The following ZFPM2 variants were observed in gnomAD, a reference collection of about 807,000 sequenced individuals.
ZFPM2 encodes the protein zinc finger protein, FOG family member 2, also known as zinc finger protein ZFPM2.
ZFPM2 carries 20 observed loss-of-function variants against 98.6 expected under a neutral mutation model. That is an observed-to-expected ratio of 0.20 (90% CI 0.14 to 0.29). The LOEUF (loss-of-function observed/expected upper bound fraction) is 0.29, where lower values mean the gene tolerates loss of function less well. Ranked by LOEUF, ZFPM2 falls within the 10% of genes least tolerant of loss-of-function variation. The pLI is 1.00. For missense variants in ZFPM2, 1,310 were observed against 1,388.6 expected, an observed-to-expected ratio of 0.94 and a Z score of 0.90; for synonymous variants, 518 against 502.7, an observed-to-expected ratio of 1.03 and a Z score of -0.41.
chr8:105,795,536 G>T (rs1281332779), intron 6 of ZFPM2, among the ~76,000 whole-genome samples: 1 of 150,618 alleles, frequency 6.6e-6, no homozygotes, highest in Non-Finnish European at 1.5e-5. Flanking sequence ...ATCAAAGTTT[G>T]ATTAGATATA....
chr8:105,526,870 C>T (rs183305748), intron 3 of ZFPM2, among the ~76,000 whole-genome samples: 8 of 152,144 alleles, frequency 5.3e-5, no homozygotes, highest in African/African-American at 1.4e-4. Context: ...CCCTTTTTCT[C>T]TCTTCTTGTA....
intron 3 of ZFPM2, among the ~76,000 whole-genome samples, chr8:105,545,873 T>G (rs1378301464): frequency 6.6e-6 from 1 of 152,334 alleles, no homozygotes; most frequent in African/African-American, 2.4e-5. Context: ...GTGCATTCCT[T>G]ATTTTCTCCT....
At chr8:105,445,546 A>G (rs1302593297) in intron 3 of ZFPM2, among the ~76,000 whole-genome samples, 1 of 151,808 alleles carries the variant, frequency 6.6e-6, no homozygotes, top group South Asian at 2.1e-4. Flanking sequence ...CGGAACATCT[A>G]GGTTTTGTCA....
At chr8:105,461,188 A>T (rs572520449) in intron 3 of ZFPM2, among the ~76,000 whole-genome samples, 1 of 152,150 alleles carries the variant, frequency 6.6e-6, no homozygotes, top group South Asian at 2.1e-4. Context: ...ATATTTTAGC[A>T]CATTTTAAAA....
chr8:105,461,950 T>C (rs895730926), intron 3 of ZFPM2, among the ~76,000 whole-genome samples: 1 of 152,166 alleles, frequency 6.6e-6, no homozygotes, highest in African/African-American at 2.4e-5. Flanking sequence ...TTTCATACAA[T>C]GAGCTCTTCT....
At chr8:105,642,320 T>A (rs1274795552) in intron 5 of ZFPM2, among the ~76,000 whole-genome samples, 1 of 152,182 alleles carries the variant, frequency 6.6e-6, no homozygotes, top group Non-Finnish European at 1.5e-5. Flanking sequence ...AGAAACAGTG[T>A]GAAATTATAA....
Position 105,755,758 on chromosome 8 carries a change from C to A in ZFPM2, c.533-32960C>A, listed in dbSNP as rs1586241874. On this transcript the variant is annotated intron_variant, in intron 5 of 7. Transcript: ENST00000407775. Reference sequence around the variant, plus strand: ...AAACAAGGGTTTCTAATTTTATAACCACCATGATTCAGTTAAAATTAATAA... The same window carrying A: ...AAACAAGGGTTTCTAATTTTATAACAACCATGATTCAGTTAAAATTAATAA... Among the ~76,000 whole-genome samples the A allele has an allele frequency of 2.6e-5, 4 of 151,924 alleles. No homozygotes were observed. The South Asian group carries it at 8.3e-4, about 32-fold the overall frequency.
chr8:105,437,912 G>A (rs370982011), intron 2 of ZFPM2, among the ~76,000 whole-genome samples: 1 of 151,990 alleles, frequency 6.6e-6, no homozygotes, highest in South Asian at 2.1e-4. Context: ...GCATGGTGGT[G>A]CGCATCTGTA....
intron 3 of ZFPM2, among the ~76,000 whole-genome samples, chr8:105,447,682 G>C (rs1563663728): frequency 6.6e-6 from 1 of 152,080 alleles, no homozygotes; most frequent in Non-Finnish European, 1.5e-5. Context: ...AAATAGAACA[G>C]AGTCAAAGGA....
rs574155181 is a variant in ZFPM2 at position 105,690,656 on chromosome 8, T to C, written c.532+56299T>C. 7.4e-4 allele frequency among the ~76,000 whole-genome samples: 113 copies of C among 152,240 alleles called. 1 individual carries two copies. The highest frequency in any genetic ancestry group is 1.5e-3 in the Non-Finnish European group (103 of 68,018). On this transcript the variant is annotated intron_variant, in intron 5 of 7. Transcript: ENST00000407775. ...GAGTAGCCCTGACTCAGAAGCCTCA[T>C]GACCCACAGAAACTAATATCTCTCA... is the stretch of plus-strand genomic sequence containing the variant.
intron 5 of ZFPM2, among the ~76,000 whole-genome samples, chr8:105,716,213 A>C (rs1811519476): frequency 6.7e-6 from 1 of 149,952 alleles, no homozygotes; most frequent in Non-Finnish European, 1.5e-5. Context: ...TTCATATATA[A>C]ATGTTTATAT....
intron 3 of ZFPM2, among the ~76,000 whole-genome samples, chr8:105,545,006 A>AT (rs1193657755): frequency 1.3e-5 from 2 of 152,024 alleles, no homozygotes; most frequent in Admixed American, 1.3e-4. Context: ...TAAAAATGTT[A>AT]TTTTTTCCTG....
At chr8:105,679,991 G>T (rs550912890) in intron 5 of ZFPM2, among the ~76,000 whole-genome samples, 53 of 152,134 alleles carry the variant, frequency 3.5e-4, no homozygotes, top group Admixed American at 2.9e-3. Flanking sequence ...TTTGCATAAG[G>T]TAAATTACAT....
intron 4 of ZFPM2, among the ~76,000 whole-genome samples, chr8:105,609,470 A>G (rs1193293698): frequency 6.6e-6 from 1 of 152,158 alleles, no homozygotes; most frequent in Admixed American, 6.5e-5. Context: ...CCTTGAATGT[A>G]ATGATGTACT....
intron 5 of ZFPM2, among the ~76,000 whole-genome samples, chr8:105,654,563 T>C (rs1817246087): frequency 7.7e-6 from 1 of 129,634 alleles, no homozygotes; most frequent in Non-Finnish European, 1.6e-5. Context: ...AAGATTTATC[T>C]TTTTTTCTAT....
intron 3 of ZFPM2, among the ~76,000 whole-genome samples, chr8:105,540,502 C>T (rs1309737463): frequency 6.6e-6 from 1 of 152,028 alleles, no homozygotes; most frequent in Non-Finnish European, 1.5e-5. Context: ...AAGTGGATAA[C>T]AACATGTTTT....
chr8:105,652,414 G>A (rs962996474), intron 5 of ZFPM2, among the ~76,000 whole-genome samples: 1 of 150,950 alleles, frequency 6.6e-6, no homozygotes, highest in African/African-American at 2.4e-5. Flanking sequence ...CAACAGTAGG[G>A]TCAACCAAAT....
At chr8:105,534,209 T>C (rs1331015609) in intron 3 of ZFPM2, among the ~76,000 whole-genome samples, 6 of 52,620 alleles carry the variant, frequency 1.1e-4, no homozygotes, top group South Asian at 1.2e-3. Flanking sequence ...CCCTCCCTTC[T>C]TCCTTCTTTT....
chr8:105,591,469 T>G (rs775911292), intron 4 of ZFPM2, among the ~76,000 whole-genome samples: 1 of 152,194 alleles, frequency 6.6e-6, no homozygotes, highest in Non-Finnish European at 1.5e-5. Context: ...ATACAGCTTT[T>G]AATCAAGACA....
Sources: gnomAD v4.1 joint callset for allele counts (sites outside exome capture counted in the v4.1 genomes callset) on GRCh38, gnomAD v4.1.1 for gene constraint, MANE v1.5 for transcripts, NCBI Gene and HGNC (gene_info 2026-07-23, HGNC 2026-07-21) for gene names.